SP140: variants seen among roughly 807,000 people sequenced by gnomAD.
The protein encoded by SP140 is SP140 nuclear body protein.
In SP140, 81 loss-of-function variants were observed where a neutral mutation model predicts 125.0. The ratio of observed to expected loss-of-function variants is 0.65; its 90% CI spans 0.54 to 0.78. SP140 has a LOEUF of 0.78. Among genes scored for constraint, SP140 ranks in the 30% least tolerant of loss-of-function variants. The pLI is 0.00. For missense variants in SP140, 858 were observed against 1,037.0 expected (o/e 0.83, Z 2.37); for synonymous variants, 312 against 354.0 (o/e 0.88, Z 1.33).
Position 230,212,822 on chromosome 2 carries a change from G to A in SP140, c.-322-832G>A, listed in dbSNP as rs144428054. On this transcript the variant is annotated intron_variant, in intron 1 of 4. Coordinates refer to the SP140 transcript ENST00000456542. The stretch of plus-strand genomic sequence containing the variant: ...GAGGCAGGACAGGGTCAGATGGGCT[G>A]GGCGACTCACTCAGGATCTCATCGC... 3.2e-4 allele frequency: 522 copies of A among 1,614,078 alleles called. No individual in the cohort carries two copies. The African/African-American group carries it at 6.3e-3, about 19-fold the overall frequency.
At chr2:230,310,098 C>T (rs899310455) in intron 23 of SP140, 59 bp downstream of exon 23, 27 of 1,528,780 alleles carry the variant, frequency 1.8e-5, no homozygotes, top group South Asian at 1.2e-4. Flanking sequence ...ACCTGCCATG[C>T]GCACTCTCCA....
intron 12 of SP140, among the ~76,000 whole-genome samples, chr2:230,258,577 A>T (rs1439082384): frequency 6.6e-6 from 1 of 152,220 alleles, no homozygotes; most frequent in African/African-American, 2.4e-5. Context: ...AACAAAAGAC[A>T]TTCTTCTAAT....
upstream of SP140, chr2:230,200,759 C>T: frequency 2.6e-6 from 2 of 768,112 alleles, no homozygotes; most frequent in Non-Finnish European, 2.3e-6. Context: ...AAAAAAAATC[C>T]AGAAGGGCTC....
chr2:230,212,899 A>G (rs754539400), intron 1 of SP140: 2 of 1,613,956 alleles, frequency 1.2e-6, no homozygotes, highest in Non-Finnish European at 1.7e-6. Context: ...CAGGGTGAAC[A>G]GCTTGGTTGA....
chr2:230,262,877 C>T (rs1003829461), intron 12 of SP140, among the ~76,000 whole-genome samples: 5 of 152,068 alleles, frequency 3.3e-5, no homozygotes, highest in Non-Finnish European at 5.9e-5. Flanking sequence ...TATGGCCTAT[C>T]ATATGGTCTA....
chr2:230,288,455 A>ATCTTTCTTTCTTTCTTTCTT (rs34638665), intron 18 of SP140, among the ~76,000 whole-genome samples: 39 of 123,630 alleles, frequency 3.2e-4, no homozygotes, highest in South Asian at 5.7e-4. Flanking sequence ...TAGGCCAACT[A>ATCTTTCTTTCTTTCTTTCTT]TCTTTCTTTC....
chr2:230,214,557 A>T (rs1003260648), intron 3 of SP140, among the ~76,000 whole-genome samples: 4 of 152,212 alleles, frequency 2.6e-5, no homozygotes, highest in Non-Finnish European at 5.9e-5. Context: ...TAAGGCACCA[A>T]AAAAAGATAC....
intron 15 of SP140, among the ~76,000 whole-genome samples, chr2:230,277,958 C>T (rs2054969905): frequency 6.6e-6 from 1 of 152,032 alleles, no homozygotes; most frequent in African/African-American, 2.4e-5. Context: ...ATGCAGATAC[C>T]TCTTTAAGAT....
At chr2:230,216,680 T>G in intron 3 of SP140, 1 of 1,457,554 alleles carries the variant, frequency 6.9e-7, no homozygotes, top group Non-Finnish European at 9.6e-7. Context: ...GGGCTGGGCC[T>G]TCCAAACTCT....
intron 9 of SP140, among the ~76,000 whole-genome samples, chr2:230,249,789 G>A (rs1472437188): frequency 6.6e-6 from 1 of 152,192 alleles, no homozygotes; most frequent in Non-Finnish European, 1.5e-5. Flanking sequence ...GGCCTATGGA[G>A]CTGAAGTCAG....
At chr2:230,235,077 T>C (rs1220790332) in intron 1 of SP140, 1 of 152,216 alleles carries the variant, frequency 6.6e-6, no homozygotes, top group Non-Finnish European at 1.5e-5. Flanking sequence ...TCCCTGAAGG[T>C]AAAGGCCTTT....
Position 230,280,950 on chromosome 2 carries a change from T to C in SP140, c.1499-3396T>C, listed in dbSNP as rs184094592. The stretch of plus-strand genomic sequence containing the variant: ...TGTAAGTGTTGGGTGTACAACTTTT[T>C]CTTTACTTTGATAGAACTTTTTAGC... On this transcript the variant is annotated intron_variant, in intron 15 of 26. Coordinates refer to ENST00000392045, the MANE Select transcript of SP140 (RefSeq NM_007237.5). Among the ~76,000 whole-genome samples the C allele has an allele frequency of 3.1e-4, 47 of 152,282 alleles. No homozygotes were observed. The East Asian group carries it at 7.1e-3, about 23-fold the overall frequency.
chr2:230,188,118 A>AC, the SP140 span, among the ~76,000 whole-genome samples: 1 of 152,230 alleles, frequency 6.6e-6, no homozygotes, highest in African/African-American at 2.4e-5. Context: ...CCAATCCATG[A>AC]ACATGGGATG....
chr2:230,287,969 A>T lies in SP140; in HGVS notation c.1720+3A>T. 6.2e-7 allele frequency: 1 copy of T among 1,608,792 alleles called. No individual in the cohort carries two copies. The highest frequency in any genetic ancestry group is 8.5e-7 in the Non-Finnish European group (1 of 1,177,764). ...ACAGAAAAGAGTCCGATCAAGAGGT[A>T]AAAAAGAAAACAGGAATGAACTTTC... is the stretch of plus-strand genomic sequence containing the variant. On this transcript the variant is annotated splice_donor_region_variant and intron_variant, in intron 18 of 26. Transcript: ENST00000392045.
chr2:230,232,263 C>G (rs1323957596), intron 1 of SP140, among the ~76,000 whole-genome samples: 2 of 152,204 alleles, frequency 1.3e-5, no homozygotes, highest in Non-Finnish European at 2.9e-5. Context: ...AGGAGTTTCT[C>G]ATGCTCATGC....
intron 3 of SP140, among the ~76,000 whole-genome samples, chr2:230,216,464 A>G (rs1488303481): frequency 6.6e-6 from 1 of 152,222 alleles, no homozygotes; most frequent in Admixed American, 6.5e-5. Flanking sequence ...GATTCTCCTC[A>G]GGGCCTCTAG....
chr2:230,300,382 A>G (rs1171655640), intron 22 of SP140, among the ~76,000 whole-genome samples: 3 of 152,150 alleles, frequency 2.0e-5, no homozygotes, highest in East Asian at 3.9e-4. Context: ...ACAATCAAGG[A>G]CTCTCACAGA....
intron 14 of SP140, 114 bp from the exon 15 acceptor site, chr2:230,270,472 A>T: frequency 9.3e-7 from 1 of 1,079,294 alleles, no homozygotes. Flanking sequence ...AAAGAGAGGA[A>T]TGATTATCCA....
intron 12 of SP140, among the ~76,000 whole-genome samples, chr2:230,257,227 G>A (rs2051369059): frequency 6.6e-6 from 1 of 151,856 alleles, no homozygotes; most frequent in Non-Finnish European, 1.5e-5. Flanking sequence ...ATTAGGGAGA[G>A]ATAAGGAAAC....
Sources: allele counts gnomAD v4.1 joint callset (sites outside exome capture counted in the v4.1 genomes callset), GRCh38; gene constraint gnomAD v4.1.1; transcripts MANE v1.5; gene names NCBI Gene and HGNC (gene_info 2026-07-23, HGNC 2026-07-21).